Variants in TEKT1 observed in about 807,000 individuals in gnomAD.
The protein encoded by TEKT1 is tektin-1.
TEKT1 carries 32 observed loss-of-function variants against 34.8 expected under a neutral mutation model. The observed-to-expected ratio is 0.92, with a 90% CI of 0.69 to 1.23. TEKT1 has a LOEUF of 1.23. Ranked by LOEUF, TEKT1 falls within the 50% of genes most tolerant of loss-of-function variation. The pLI is 0.00. For synonymous variants in TEKT1, 207 were observed against 199.8 expected, an observed-to-expected ratio of 1.04 and a Z score of -0.30; for missense variants, 492 against 518.5, an observed-to-expected ratio of 0.95 and a Z score of 0.50.
At chr17:6,826,233 C>T (rs974534857) in intron 2 of TEKT1, among the ~76,000 whole-genome samples, 2 of 152,086 alleles carry the variant, frequency 1.3e-5, no homozygotes, top group Non-Finnish European at 2.9e-5. Context: ...ACATGTTCGT[C>T]GGCTGTTTGA....
intron 2 of TEKT1, among the ~76,000 whole-genome samples, chr17:6,827,733 A>C (rs1332171102): frequency 6.6e-6 from 1 of 152,140 alleles, no homozygotes; most frequent in Non-Finnish European, 1.5e-5. Flanking sequence ...TTAACTCATA[A>C]ATCCCTGCAT....
intron 2 of TEKT1, among the ~76,000 whole-genome samples, chr17:6,827,003 A>AT (rs950283438): frequency 1.3e-5 from 2 of 152,132 alleles, no homozygotes; most frequent in South Asian, 2.1e-4. Context: ...CCAAGATATC[A>AT]TTTTTTATAT....
chr17:6,827,272 T>C (rs1428946313), intron 2 of TEKT1, among the ~76,000 whole-genome samples: 1 of 150,244 alleles, frequency 6.7e-6, no homozygotes, highest in Non-Finnish European at 1.5e-5. Flanking sequence ...TTTTTTTTTT[T>C]TTTTTTGAGA....
chr17:6,815,525 T>G (rs56066996), intron 4 of TEKT1, among the ~76,000 whole-genome samples: 12,362 of 152,208 alleles, frequency 0.081, 629 homozygotes, highest in Middle Eastern at 0.19. Context: ...CTTCTACTGT[T>G]ACATTTTCCA....
intron 6 of TEKT1, among the ~76,000 whole-genome samples, chr17:6,802,038 T>C (rs191864529): frequency 2.1e-4 from 32 of 152,334 alleles, no homozygotes; most frequent in African/African-American, 7.7e-4. Context: ...CATAGGATTC[T>C]TTATTTTCTT....
At position 6,809,223 on chromosome 17, in the gene TEKT1, G is replaced by C. The variant is rs191932907; in HGVS notation, c.852+3608C>G. ...ACTCTTTGTGTTGTACAATCTATGA[G>C]TTTTGTTTGTTTGTTTGCTTTTGTT... On this transcript the variant is annotated intron_variant, in intron 6 of 7. Transcript: ENST00000338694. Among the ~76,000 whole-genome samples the C allele has an allele frequency of 2.9e-3, 438 of 151,904 alleles. 1 individual carries two copies. The highest frequency in any genetic ancestry group is 4.6e-3 in the Non-Finnish European group (315 of 67,974).
Position 6,815,155 on chromosome 17 carries a change from CCACTCACTTTGGCT to C in TEKT1, c.623_629+7del, listed in dbSNP as rs778505392. ...CCCGCGAGGAGGAAGACGGCAAGGC[CCACTCACTTTGGCT>C]CAATCCTCACGGCGTTCTCAGAATA... is the stretch of plus-strand genomic sequence containing the variant. On this transcript the variant is annotated splice_donor_variant and splice_donor_5th_base_variant and coding_sequence_variant and intron_variant, in exon 5 of 8. Coordinates refer to ENST00000338694, the MANE Select transcript of TEKT1 (RefSeq NM_053285.2). LOFTEE classifies it high-confidence loss of function. 6.2e-7 allele frequency: 1 copy of C among 1,606,672 alleles called. No homozygotes were observed. The highest frequency in any genetic ancestry group is 1.7e-5 in the Admixed American group (1 of 59,548).
intron 5 of TEKT1, among the ~76,000 whole-genome samples, chr17:6,813,308 T>C (rs1490993045): frequency 1.3e-5 from 2 of 151,938 alleles, no homozygotes; most frequent in Non-Finnish European, 2.9e-5. Flanking sequence ...ACTTTTCTAA[T>C]CCCCATTTTA....
chr17:6,819,300 C>T lies in TEKT1; in HGVS notation c.249G>A (p.Gln83=), dbSNP rs776404867. 6.2e-7 allele frequency: 1 copy of T among 1,614,074 alleles called. No individual in the cohort carries two copies. The highest frequency in any genetic ancestry group is 8.5e-7 in the Non-Finnish European group (1 of 1,179,986). Residue 83 remains glutamine, a synonymous_variant, in exon 3 of 8, where the codon CAG becomes CAA. Transcript: ENST00000338694. ...WKKELDDKLE[Q]LVNVTDDLLI... is the part of the protein sequence containing the mutation. ...GTAGATCATCAGTTACATTCACAAG[C>T]TGCTCAAGTTTGTCATCTAACTCCT...
At chr17:6,819,710 C>T (rs760696388) in intron 2 of TEKT1, among the ~76,000 whole-genome samples, 11 of 152,202 alleles carry the variant, frequency 7.2e-5, no homozygotes, top group Non-Finnish European at 1.2e-4. Context: ...CCATTTGAGA[C>T]GGAGTCTCAC....
In TEKT1 at chr17:6,800,247, GA is replaced by G; in HGVS notation, c.1050-14del. The G allele has an allele frequency of 3.1e-6, 5 of 1,608,412 alleles. No homozygotes were observed. Among genetic ancestry groups the G allele is most frequent in the Non-Finnish European group, 4.2e-6 (5 of 1,177,856 alleles). On this transcript the variant is annotated splice_polypyrimidine_tract_variant and intron_variant, in intron 7 of 7. Coordinates refer to ENST00000338694, the MANE Select transcript of TEKT1 (RefSeq NM_053285.2). ...AGTTTCCTTCAATCTAGGAGAAAGG[GA>G]AGAAGAGAAGAGAATAATTTCTCTC... is the stretch of plus-strand genomic sequence containing the variant.
chr17:6,799,888 C>T lies in TEKT1; in HGVS notation c.*139G>A, dbSNP rs1976742232. ...AGAAGAAACTCGCCCCAAAATCAGC[C>T]CCCTGAGCAGGCTTGGAATGCCAGC... On this transcript the variant is annotated 3_prime_UTR_variant, in exon 8 of 8. Coordinates refer to ENST00000338694, the MANE Select transcript of TEKT1 (RefSeq NM_053285.2). 2 of 745,350 alleles carry T rather than the reference C, an allele frequency of 2.7e-6. No individual in the cohort carries two copies. The highest frequency in any genetic ancestry group is 2.2e-5 in the South Asian group (1 of 45,736). 46.2% of individuals were successfully genotyped at this position (745,350 alleles called of 1,614,324 possible).
At chr17:6,830,998 AAAG>A (rs1035090079) in intron 1 of TEKT1, among the ~76,000 whole-genome samples, 60 of 145,468 alleles carry the variant, frequency 4.1e-4, no homozygotes, top group Admixed American at 1.4e-3. Context: ...TTTCTTAAAA[AAAG>A]AAGAAGAAAA....
At chr17:6,816,219 T>C (rs757709656) in intron 3 of TEKT1, among the ~76,000 whole-genome samples, 1 of 152,094 alleles carries the variant, frequency 6.6e-6, no homozygotes, top group Non-Finnish European at 1.5e-5. Context: ...CTCTCTCTCT[T>C]TTTCTTTTCT....
intron 6 of TEKT1, among the ~76,000 whole-genome samples, chr17:6,804,092 G>A (rs1030226121): frequency 2.0e-5 from 3 of 152,170 alleles, no homozygotes; most frequent in Non-Finnish European, 2.9e-5. Flanking sequence ...CTACCCATGA[G>A]CATGGAATGT....
chr17:6,805,043 A>C (rs1976825695), intron 6 of TEKT1, among the ~76,000 whole-genome samples: 1 of 152,222 alleles, frequency 6.6e-6, no homozygotes, highest in African/African-American at 2.4e-5. Context: ...GAATGATACC[A>C]GCTCCTCCTT....
At position 6,829,235 on chromosome 17, in the gene TEKT1, T is replaced by C. The variant is rs564448746; in HGVS notation, c.190+952A>G. ...TAAGACTCAAGTAAATGTTCTTCTC[T>C]AGAAAAACTTTTCCAATTTTTCACA... is the stretch of plus-strand genomic sequence containing the variant. On this transcript the variant is annotated intron_variant, in intron 2 of 7. Transcript: ENST00000338694. Among the ~76,000 whole-genome samples the C allele has an allele frequency of 2.4e-3, 359 of 152,326 alleles. 2 individuals carry two copies. The highest frequency in any genetic ancestry group is 8.3e-3 in the African/African-American group (343 of 41,570).
intron 2 of TEKT1, among the ~76,000 whole-genome samples, chr17:6,822,458 G>A (rs1977106289): frequency 6.6e-6 from 1 of 152,026 alleles, no homozygotes; most frequent in African/African-American, 2.4e-5. Context: ...TGCTCTTTCT[G>A]AAACTCCTAT....
chr17:6,830,418 A>T, intron 1 of TEKT1, 25 bp from the exon 2 acceptor site: 1 of 1,451,446 alleles, frequency 6.9e-7, no homozygotes, highest in Admixed American at 2.6e-5. Context: ...ACTCTTTTAG[A>T]TTAAATGAAA....
Sources: allele counts gnomAD v4.1 joint callset (sites outside exome capture counted in the v4.1 genomes callset), GRCh38; gene constraint gnomAD v4.1.1; transcripts MANE v1.5; gene names NCBI Gene and HGNC (gene_info 2026-07-23, HGNC 2026-07-21).